Variants in R3HCC1L observed in about 807,000 individuals in gnomAD.
R3HCC1L encodes coiled-coil domain-containing protein R3HCC1L.
A neutral mutation model predicts 59.9 loss-of-function variants in R3HCC1L; 51 were observed. The ratio of observed to expected loss-of-function variants is 0.85; its 90% confidence interval spans 0.68 to 1.07. The LOEUF is 1.07. R3HCC1L is among the 50% of genes least tolerant of loss of function. The pLI is 0.00. For missense variants in R3HCC1L, 965 were observed against 933.0 expected, an observed-to-expected ratio of 1.03 and a Z score of -0.45; for synonymous variants, 322 against 315.2, an observed-to-expected ratio of 1.02 and a Z score of -0.23.
chr10:98,242,119 C>T (rs1171958097), intron 9 of R3HCC1L, among the ~76,000 whole-genome samples: 1 of 152,110 alleles, frequency 6.6e-6, no homozygotes, highest in Non-Finnish European at 1.5e-5. Flanking sequence ...CCGAGGTGGG[C>T]AGATTACCTG....
At chr10:98,143,732 T>C (rs1169215733) in intron 1 of R3HCC1L, among the ~76,000 whole-genome samples, 1 of 152,228 alleles carries the variant, frequency 6.6e-6, no homozygotes, top group Non-Finnish European at 1.5e-5. Context: ...TTTTAACTTT[T>C]TGAGTTATTA....
At chr10:98,216,364 C>T (rs1328415580) in intron 5 of R3HCC1L, among the ~76,000 whole-genome samples, 1 of 151,828 alleles carries the variant, frequency 6.6e-6, no homozygotes, top group Admixed American at 6.6e-5. Flanking sequence ...AAATACAAAA[C>T]TTAGCCGGGC....
intron 1 of R3HCC1L, among the ~76,000 whole-genome samples, chr10:98,144,079 A>G (rs1473400825): frequency 6.6e-6 from 1 of 152,140 alleles, no homozygotes; most frequent in African/African-American, 2.4e-5. Context: ...GTCCGAAGCA[A>G]GAAGATTGCT....
chr10:98,210,185 A>G (rs1202119390), intron 5 of R3HCC1L, among the ~76,000 whole-genome samples: 1 of 152,202 alleles, frequency 6.6e-6, no homozygotes. Flanking sequence ...ACTTCTTCAA[A>G]AAGGTTTTTC....
At chr10:98,185,442 A>T (rs1850128966) in intron 4 of R3HCC1L, among the ~76,000 whole-genome samples, 1 of 152,230 alleles carries the variant, frequency 6.6e-6, no homozygotes, top group Admixed American at 6.5e-5. Context: ...ATCTAGAATG[A>T]TTAGGTAAGG....
At chr10:98,190,872 C>T (rs778143897) in intron 4 of R3HCC1L, among the ~76,000 whole-genome samples, 1 of 124,658 alleles carries the variant, frequency 8.0e-6, no homozygotes, top group Non-Finnish European at 1.6e-5. Context: ...TCTCATTGTT[C>T]AGTTCCTACC....
intron 4 of R3HCC1L, among the ~76,000 whole-genome samples, chr10:98,197,375 TCAGCTCAGGTGTTA>T (rs1851554738): frequency 1.3e-5 from 2 of 152,240 alleles, no homozygotes; most frequent in African/African-American, 4.8e-5. Flanking sequence ...GATTTAAACA[TCAGCTCAGGTGTTA>T]ACTCCTCAGT....
intron 5 of R3HCC1L, among the ~76,000 whole-genome samples, chr10:98,222,129 C>T (rs1564719910): frequency 1.3e-5 from 2 of 152,042 alleles, no homozygotes; most frequent in Admixed American, 6.6e-5. Context: ...GTATTTTATT[C>T]TTTTTGAAGC....
intron 5 of R3HCC1L, among the ~76,000 whole-genome samples, chr10:98,230,490 T>C (rs1306443447): frequency 2.0e-5 from 3 of 152,172 alleles, no homozygotes. Flanking sequence ...ATCTTGCTAG[T>C]GGTCTATCAA....
intron 5 of R3HCC1L, among the ~76,000 whole-genome samples, chr10:98,215,222 CTT>C (rs1457966231): frequency 1.3e-5 from 2 of 151,992 alleles, no homozygotes; most frequent in African/African-American, 2.4e-5. Context: ...AATAATGAGA[CTT>C]ATTTATTCTC....
At chr10:98,230,270 G>T (rs1454997979) in intron 5 of R3HCC1L, among the ~76,000 whole-genome samples, 2 of 152,152 alleles carry the variant, frequency 1.3e-5, no homozygotes, top group Admixed American at 6.5e-5. Context: ...CCTGTTATTG[G>T]TCTATTCAGA....
intron 1 of R3HCC1L, among the ~76,000 whole-genome samples, chr10:98,137,319 T>C (rs1210753124): frequency 3.3e-5 from 5 of 152,240 alleles, no homozygotes; most frequent in African/African-American, 1.2e-4. Flanking sequence ...TGAGCCTGTT[T>C]CCTAATCTCT....
At chr10:98,225,836 C>T (rs1397708603) in intron 5 of R3HCC1L, among the ~76,000 whole-genome samples, 1 of 152,002 alleles carries the variant, frequency 6.6e-6, no homozygotes. Context: ...TCATTTCCTT[C>T]CTTTTTGTAA....
intron 8 of R3HCC1L, 41 bp downstream of exon 8, chr10:98,235,561 GTAT>G (rs778837642): frequency 7.4e-6 from 11 of 1,486,232 alleles, no homozygotes; most frequent in Non-Finnish European, 1.0e-5. Context: ...GCTGATGGTG[GTAT>G]TATTGTTCTT....
chr10:98,220,122 A>G (rs886198029), intron 5 of R3HCC1L, among the ~76,000 whole-genome samples: 8 of 151,940 alleles, frequency 5.3e-5, no homozygotes, highest in Non-Finnish European at 1.0e-4. Context: ...AAGTTCAGAA[A>G]TTCTTTCTTC....
chr10:98,220,530 C>A (rs182613494), intron 5 of R3HCC1L, among the ~76,000 whole-genome samples: 1 of 109,142 alleles, frequency 9.2e-6, no homozygotes, highest in South Asian at 3.8e-4. Flanking sequence ...TGCTATCCCT[C>A]CCCCCACCCC....
intron 5 of R3HCC1L, among the ~76,000 whole-genome samples, chr10:98,220,036 T>G (rs1400198673): frequency 6.6e-6 from 1 of 152,208 alleles, no homozygotes; most frequent in African/African-American, 2.4e-5. Context: ...CTTTGTGATG[T>G]CCCTCATTTC....
intron 4 of R3HCC1L, among the ~76,000 whole-genome samples, chr10:98,191,136 T>C (rs993778512): frequency 6.6e-6 from 1 of 152,156 alleles, no homozygotes; most frequent in East Asian, 1.9e-4. Context: ...GTCTTTATAG[T>C]AGCATGATTT....
chr10:98,224,733 TAGATCA>T lies in R3HCC1L; in HGVS notation c.1786-6778_1786-6773del, dbSNP rs1404855836. On this transcript the variant is annotated intron_variant, in intron 5 of 9. Transcript: ENST00000298999. Reference sequence around the variant, plus strand: ...AAACTTTCCCTTGGTCTATAATAGATAGATCAGAATGAATGAAATTCTAAACGTCTA... The same window carrying T: ...AAACTTTCCCTTGGTCTATAATAGATGAATGAATGAAATTCTAAACGTCTA... Among the ~76,000 whole-genome samples the T allele has an allele frequency of 2.0e-5, 3 of 152,364 alleles. No individual in the cohort carries two copies. In the East Asian group the frequency reaches 5.8e-4, roughly 29 times the overall value.
Sources: gnomAD v4.1 joint callset for allele counts (sites outside exome capture counted in the v4.1 genomes callset) on GRCh38, gnomAD v4.1.1 for gene constraint, MANE v1.5 for transcripts, NCBI Gene and HGNC (gene_info 2026-07-23, HGNC 2026-07-21) for gene names.